Variants in WDR44 observed in about 807,000 individuals in gnomAD.
The protein encoded by WDR44 is WD repeat domain 44.
In WDR44, 9 loss-of-function variants were observed where a neutral mutation model predicts 65.7. That is an observed-to-expected ratio of 0.14 (90% CI 0.08 to 0.24). WDR44 has a LOEUF of 0.24. Ranked by LOEUF, WDR44 falls within the 10% of genes least tolerant of loss-of-function variation. The pLI is 1.00. For synonymous variants in WDR44, 220 were observed against 235.2 expected (o/e 0.94, Z 0.59); for missense variants, 425 against 670.9 (o/e 0.63, Z 4.05).
chrX:118,426,225 T>G (rs1329142177), intron 12 of WDR44, among the ~76,000 whole-genome samples: 2 of 111,700 alleles, frequency 1.8e-5, no homozygotes, highest in Admixed American at 1.9e-4. Context: ...ACTGATAAAA[T>G]TATTAGTGTC....
chrX:118,397,148 A>G (rs772026708), intron 7 of WDR44, 42 bp downstream of exon 7: 1 of 1,083,072 alleles, frequency 9.2e-7, no homozygotes, highest in East Asian at 3.4e-5. Context: ...AGTATTTCAG[A>G]GTTGTTAAGA....
At chrX:118,367,560 A>T (rs774667822) in intron 1 of WDR44, among the ~76,000 whole-genome samples, 26 of 111,867 alleles carry the variant, frequency 2.3e-4, no homozygotes, top group Non-Finnish European at 4.5e-4. Context: ...TTACTAGTGT[A>T]GAGAGGCTGC....
At chrX:118,364,749 A>G (rs1017460545) in intron 1 of WDR44, among the ~76,000 whole-genome samples, 2 of 112,271 alleles carry the variant, frequency 1.8e-5, no homozygotes, top group Non-Finnish European at 3.8e-5. Context: ...GCCTTCTACA[A>G]TATCCCTATT....
chrX:118,413,873 G>A (rs1395596066), intron 12 of WDR44, among the ~76,000 whole-genome samples: 1 of 111,580 alleles, frequency 9.0e-6, no homozygotes, highest in African/African-American at 3.3e-5. Context: ...TGAGAGATGA[G>A]GATCCAGTTT....
intron 16 of WDR44, 77 bp from the exon 17 acceptor site, chrX:118,442,488 G>A (rs1205722141): frequency 4.0e-6 from 4 of 1,003,767 alleles, no homozygotes; most frequent in East Asian, 3.1e-5. Flanking sequence ...TTGTATGTGT[G>A]TAACACCCTT....
At chrX:118,364,597 AC>A (rs2056538218) in intron 1 of WDR44, among the ~76,000 whole-genome samples, 1 of 112,318 alleles carries the variant, frequency 8.9e-6, no homozygotes, top group African/African-American at 3.2e-5. Flanking sequence ...ATGGTAGATA[AC>A]CAATAAGGAT....
chrX:118,404,316 T>C lies in WDR44; in HGVS notation c.1275-22T>C. 3 of 1,119,313 alleles carry C rather than the reference T, an allele frequency of 2.7e-6. No individual in the cohort carries two copies. In the South Asian group the frequency reaches 5.7e-5, roughly 21 times the overall value. 92.2% of individuals were successfully genotyped at this position (1,119,313 alleles called of 1,213,427 possible). A position where few individuals can be genotyped will look rare whatever the true frequency, so the allele number is the denominator to read the frequency against. On this transcript the variant is annotated intron_variant, in intron 8 of 19. Coordinates refer to ENST00000254029, the MANE Select transcript of WDR44 (RefSeq NM_019045.5). The stretch of plus-strand genomic sequence containing the variant: ...GGACTTTTACAGTTAACTGAGTTGA[T>C]ACTTTTTTCATTTTTGTTAAGGACT...
chrX:118,431,809 T>C (rs2057214101), intron 12 of WDR44, among the ~76,000 whole-genome samples: 2 of 112,204 alleles, frequency 1.8e-5, no homozygotes, highest in African/African-American at 6.5e-5. Context: ...CTTGTATTAC[T>C]GCTTTGGTTC....
At chrX:118,400,066 T>C (rs1602924747) in intron 8 of WDR44, among the ~76,000 whole-genome samples, 1 of 108,017 alleles carries the variant, frequency 9.3e-6, no homozygotes, top group African/African-American at 3.5e-5. Context: ...TCGGCCTGGG[T>C]GACAGAGCAA....
At chrX:118,405,202 AT>A (rs1328511804) in intron 9 of WDR44, among the ~76,000 whole-genome samples, 1 of 108,818 alleles carries the variant, frequency 9.2e-6, no homozygotes, top group Non-Finnish European at 1.9e-5. Context: ...CACCTGGCTA[AT>A]TTTTGTATTT....
At chrX:118,405,162 A>T (rs746529201) in intron 9 of WDR44, among the ~76,000 whole-genome samples, 1 of 109,760 alleles carries the variant, frequency 9.1e-6, no homozygotes. Flanking sequence ...CAGCTTACCA[A>T]GTAGCTGGGA....
chrX:118,442,289 C>T lies in WDR44; in HGVS notation c.2212C>T (p.Arg738Cys). ...TQIHVRSTRG[R>C]NKVGRKITGI... Reference sequence around the variant, plus strand: ...AATACATGTCCGATCTACTAGAGGGCGCAACAAGGTTGGAAGAAAAATTAC... The same window carrying T: ...AATACATGTCCGATCTACTAGAGGGTGCAACAAGGTTGGAAGAAAAATTAC... The change falls in exon 16 of 20, where the codon CGC becomes TGC. Residue 738 changes from arginine (R) to cysteine (C), a missense_variant. By Grantham distance (180) the Arg-to-Cys change is radical. Transcript: ENST00000254029. 3.3e-6 allele frequency: 4 copies of T among 1,210,387 alleles called. No individual in the cohort carries two copies. Among genetic ancestry groups the T allele is most frequent in the Non-Finnish European group, 4.5e-6 (4 of 894,436 alleles).
chrX:118,419,337 C>T (rs1030527707), intron 12 of WDR44, among the ~76,000 whole-genome samples: 3 of 112,003 alleles, frequency 2.7e-5, no homozygotes, highest in Non-Finnish European at 5.6e-5. Context: ...GAAGACCCAG[C>T]GAGCTCCCAA....
chrX:118,433,178 T>C (rs905968016), intron 13 of WDR44, among the ~76,000 whole-genome samples: 14 of 112,168 alleles, frequency 1.2e-4, no homozygotes, highest in African/African-American at 4.5e-4. Flanking sequence ...TGAGTATAGC[T>C]AAGTTGATAC....
chrX:118,362,564 C>T lies in WDR44; in HGVS notation c.78-15855C>T, dbSNP rs188080203. Reference sequence around the variant, plus strand: ...TTTGATAAATGTACATAATACCATACATGTAGTATTTGCATTTAAGCCTAT... The same window carrying T: ...TTTGATAAATGTACATAATACCATATATGTAGTATTTGCATTTAAGCCTAT... On this transcript the variant is annotated intron_variant, in intron 1 of 19. Transcript: ENST00000254029. Among the ~76,000 whole-genome samples the T allele has an allele frequency of 1.3e-4, 15 of 111,323 alleles. No homozygotes were observed. In the East Asian group the frequency reaches 3.4e-3, roughly 26 times the overall value.
rs915994207 is a variant in WDR44, at chrX:118,394,088, T to C, written c.860T>C (p.Leu287Pro). Residue 287 changes from leucine (L) to proline (P), a missense_variant, in exon 5 of 20, where the codon CTA becomes CCA. Leu to Pro is a moderately conservative substitution (Grantham distance 98, BLOSUM62 -3). Coordinates refer to ENST00000254029, the MANE Select transcript of WDR44 (RefSeq NM_019045.5). ...PKENITSDSL[L>P]TASMASESTV... ...GAGAATATTACGTCTGATTCTCTCC[T>C]AACCGCAAGCATGGCTTCAGAAAGT... 5.8e-6 allele frequency: 7 copies of C among 1,211,353 alleles called. No homozygotes were observed. The highest frequency in any genetic ancestry group is 6.7e-6 in the Non-Finnish European group (6 of 895,028).
chrX:118,375,530 AAAC>A (rs1362048513), intron 1 of WDR44, among the ~76,000 whole-genome samples: 2 of 106,021 alleles, frequency 1.9e-5, no homozygotes, highest in African/African-American at 7.1e-5. Context: ...AAAAAAAAAA[AAAC>A]AAACAGGTTT....
chrX:118,354,404 C>T lies in WDR44; in HGVS notation c.77+7824C>T, dbSNP rs187264137. Among the ~76,000 whole-genome samples the T allele has an allele frequency of 2.9e-3, 293 of 100,340 alleles. 2 individuals carry two copies. The highest frequency in any genetic ancestry group is 0.012 in the African/African-American group (283 of 24,165). The allele number at this position is 100,340 out of a possible 115,157, so 87.1% of individuals were successfully genotyped here. ...CTGTACTCTGGCCTGGGCGATGGAG[C>T]CAGACTCTGTCTCTTAAAAAAAAAA... On this transcript the variant is annotated intron_variant, in intron 1 of 19. Coordinates refer to ENST00000254029, the MANE Select transcript of WDR44 (RefSeq NM_019045.5).
chrX:118,422,881 C>T (rs1267944517), intron 12 of WDR44, among the ~76,000 whole-genome samples: 5 of 111,409 alleles, frequency 4.5e-5, no homozygotes, highest in Non-Finnish European at 9.4e-5. Context: ...AGTAACTCAA[C>T]AATTTCACAC....
Sources: allele counts gnomAD v4.1 joint callset (sites outside exome capture counted in the v4.1 genomes callset), GRCh38; gene constraint gnomAD v4.1.1; transcripts MANE v1.5; gene names NCBI Gene and HGNC (gene_info 2026-07-23, HGNC 2026-07-21).